Variants in DLGAP4 observed in about 807,000 individuals in gnomAD.
DLGAP4 encodes DLG associated protein 4.
In DLGAP4, 18 loss-of-function variants were observed where a neutral mutation model predicts 86.9. The ratio of observed to expected loss-of-function variants is 0.21; its 90% CI spans 0.14 to 0.31. The LOEUF (loss-of-function observed/expected upper bound fraction) is 0.31, where lower values mean the gene tolerates loss of function less well. DLGAP4 is among the 10% of genes least tolerant of loss of function. The probability of loss-of-function intolerance (pLI) is 1.00; values close to 1 mark genes in which losing one functional copy is unlikely to be tolerated. For synonymous variants in DLGAP4, 548 were observed against 574.3 expected (o/e 0.95, Z 0.65); for missense variants, 1,085 against 1,362.6 (o/e 0.80, Z 3.21).
At chr20:36,345,618 C>T (rs1555892867) in intron 1 of DLGAP4, among the ~76,000 whole-genome samples, 1 of 152,246 alleles carries the variant, frequency 6.6e-6, no homozygotes, top group Non-Finnish European at 1.5e-5. Context: ...GGCGAATGTA[C>T]AGCCAATGTC....
At chr20:36,512,021 C>A (rs943515456) in intron 10 of DLGAP4, among the ~76,000 whole-genome samples, 9 of 150,262 alleles carry the variant, frequency 6.0e-5, no homozygotes, top group African/African-American at 2.2e-4. Context: ...ATATTGTTTG[C>A]TAAGAATGCC....
At chr20:36,501,657 C>G (rs147095638) in intron 10 of DLGAP4, among the ~76,000 whole-genome samples, 1 of 152,228 alleles carries the variant, frequency 6.6e-6, no homozygotes, top group African/African-American at 2.4e-5. Context: ...TCCCATTGAG[C>G]TACTCCTCCA....
At chr20:36,457,770 C>T (rs1211567633) in intron 7 of DLGAP4, among the ~76,000 whole-genome samples, 1 of 151,476 alleles carries the variant, frequency 6.6e-6, no homozygotes, top group Non-Finnish European at 1.5e-5. Flanking sequence ...ACACCTTGGC[C>T]TCCCAAAGTG....
chr20:36,341,130 T>G (rs2065375966), intron 1 of DLGAP4, among the ~76,000 whole-genome samples: 1 of 152,134 alleles, frequency 6.6e-6, no homozygotes, highest in South Asian at 2.1e-4. Context: ...TCTGCACAGC[T>G]CTCTGTTCAG....
intron 2 of DLGAP4, among the ~76,000 whole-genome samples, chr20:36,380,107 C>T (rs1385722814): frequency 1.3e-5 from 2 of 151,908 alleles, no homozygotes; most frequent in Non-Finnish European, 2.9e-5. Context: ...CATGTGAGCC[C>T]AGGAGTTCAA....
rs2065005266 is a variant in DLGAP4 at position 36,306,642 on chromosome 20, C to G, written c.-304+130C>G. 6.6e-6 allele frequency: 1 copy of G among 151,994 alleles called. No homozygotes were observed. The highest frequency in any genetic ancestry group is 1.5e-5 in the Non-Finnish European group (1 of 67,986). 9.4% of individuals were successfully genotyped at this position (151,994 alleles called of 1,614,324 possible). ...TCCCTGAACCGGGGGACGGCGCTGGCGCAGAAAAGCCCCCTCCCCTGCCAG... is the reference window on the plus strand; with the variant it reads ...TCCCTGAACCGGGGGACGGCGCTGGGGCAGAAAAGCCCCCTCCCCTGCCAG... On this transcript the variant is annotated intron_variant, in intron 1 of 12. Transcript: ENST00000339266. The surrounding 1 kb of genome is among the most constrained non-coding windows in gnomAD (Gnocchi z 4.9).
intron 2 of DLGAP4, among the ~76,000 whole-genome samples, chr20:36,385,742 C>T (rs2031573451): frequency 6.6e-6 from 1 of 152,230 alleles, no homozygotes; most frequent in Non-Finnish European, 1.5e-5. Flanking sequence ...ATTAGGCTGT[C>T]CTCAGCCACC....
chr20:36,341,666 T>G (rs1361499074), intron 1 of DLGAP4, among the ~76,000 whole-genome samples: 1 of 152,238 alleles, frequency 6.6e-6, no homozygotes, highest in African/African-American at 2.4e-5. Flanking sequence ...GATCTGCACT[T>G]GGGTGGCCCA....
intron 2 of DLGAP4, among the ~76,000 whole-genome samples, chr20:36,419,116 CTTTCTTTTTTT>C (rs1022086007): frequency 3.3e-5 from 5 of 151,816 alleles, no homozygotes; most frequent in African/African-American, 1.2e-4. Flanking sequence ...CTATTTCTTT[CTTTCTTTTTTT>C]TTTCTTTTTT....
At chr20:36,447,901 T>TG (rs71184097) in intron 7 of DLGAP4, among the ~76,000 whole-genome samples, 34,421 of 52,092 alleles carry the variant, frequency 0.66, 11,631 homozygotes, top group Non-Finnish European at 0.77. Flanking sequence ...ATCAGGGGGG[T>TG]GGGGGGGGGG....
At chr20:36,469,612 G>A (rs1014926655) in intron 7 of DLGAP4, among the ~76,000 whole-genome samples, 5 of 152,076 alleles carry the variant, frequency 3.3e-5, no homozygotes, top group African/African-American at 1.2e-4. Flanking sequence ...AATTAGCCGA[G>A]CGTGGTGGAA....
intron 1 of DLGAP4, among the ~76,000 whole-genome samples, chr20:36,319,891 T>A (rs782084302): frequency 2.0e-5 from 3 of 152,016 alleles, no homozygotes; most frequent in Non-Finnish European, 2.9e-5. Flanking sequence ...TGTGCCTCTG[T>A]CACAGCAAGG....
intron 2 of DLGAP4, among the ~76,000 whole-genome samples, chr20:36,383,988 A>C (rs2031501184): frequency 6.6e-6 from 1 of 151,636 alleles, no homozygotes; most frequent in Non-Finnish European, 1.5e-5. Context: ...CGTCTCAAAA[A>C]AAAAAAAAAA....
chr20:36,412,763 T>G (rs1432913071), intron 2 of DLGAP4, among the ~76,000 whole-genome samples: 1 of 152,172 alleles, frequency 6.6e-6, no homozygotes, highest in Non-Finnish European at 1.5e-5. Context: ...GCAGCACCTC[T>G]TTATTGAGCA....
At chr20:36,316,286 C>A (rs2065098717) in intron 1 of DLGAP4, among the ~76,000 whole-genome samples, 1 of 108,788 alleles carries the variant, frequency 9.2e-6, no homozygotes, top group Non-Finnish European at 1.8e-5. Context: ...GCCCCTGTCA[C>A]CTGCCTCTGT....
chr20:36,430,955 T>TAAA (rs5841234), intron 2 of DLGAP4, among the ~76,000 whole-genome samples: 2 of 119,604 alleles, frequency 1.7e-5, no homozygotes, highest in African/African-American at 3.2e-5. Flanking sequence ...ACTCTGTCTC[T>TAAA]AAAAAAAAAA....
At chr20:36,328,356 T>C (rs1555891177) in intron 1 of DLGAP4, among the ~76,000 whole-genome samples, 2 of 151,992 alleles carry the variant, frequency 1.3e-5, no homozygotes, top group Non-Finnish European at 1.5e-5. Flanking sequence ...TGGGAGGACA[T>C]CAGACCCTGA....
chr20:36,434,517 A>AG (rs1600523850), intron 3 of DLGAP4, among the ~76,000 whole-genome samples: 1 of 152,142 alleles, frequency 6.6e-6, no homozygotes, highest in African/African-American at 2.4e-5. Context: ...ACACCATGAG[A>AG]GGGTAGCCCT....
intron 3 of DLGAP4, among the ~76,000 whole-genome samples, chr20:36,435,017 G>A (rs1230998788): frequency 6.6e-6 from 1 of 152,016 alleles, no homozygotes; most frequent in African/African-American, 2.4e-5. Flanking sequence ...TTGCTGGCGC[G>A]AATGTCCAGA....
Sources: allele counts gnomAD v4.1 joint callset (sites outside exome capture counted in the v4.1 genomes callset), GRCh38; gene constraint gnomAD v4.1.1; non-coding constraint Gnocchi (gnomAD v3.1); transcripts MANE v1.5; gene names NCBI Gene and HGNC (gene_info 2026-07-23, HGNC 2026-07-21).